Variants in USP12 observed in about 807,000 individuals in gnomAD.
The protein encoded by USP12 is ubiquitin specific peptidase 12, also known as ubiquitin carboxyl-terminal hydrolase 12.
USP12 carries 19 observed loss-of-function variants against 45.5 expected under a neutral mutation model. The observed-to-expected ratio is 0.42, with a 90% CI of 0.29 to 0.61. The LOEUF is 0.61. Among genes scored for constraint, USP12 ranks in the 20% least tolerant of loss-of-function variants. The probability of loss-of-function intolerance (pLI) is 0.22; values close to 1 mark genes in which losing one functional copy is unlikely to be tolerated. For synonymous variants in USP12, 149 were observed against 148.8 expected, an observed-to-expected ratio of 1.00 and a Z score of -0.01; for missense variants, 242 against 447.7, an observed-to-expected ratio of 0.54 and a Z score of 4.15.
At chr13:27,125,672 G>A (rs927300019) in intron 1 of USP12, among the ~76,000 whole-genome samples, 1 of 152,216 alleles carries the variant, frequency 6.6e-6, no homozygotes, top group Non-Finnish European at 1.5e-5. Context: ...CCCGGGAAGC[G>A]CAAGGGGTCA....
At chr13:27,095,574 CTA>C (rs778454738) in intron 4 of USP12, 25 bp downstream of exon 4, 2 of 1,480,592 alleles carry the variant, frequency 1.4e-6, no homozygotes, top group African/African-American at 1.4e-5. Context: ...CAATTTTTCT[CTA>C]TACAAAATTG....
rs534106221 is a variant in USP12 at position 27,129,600 on chromosome 13, G to C, written c.49-13004C>G. On this transcript the variant is annotated intron_variant, in intron 1 of 8. Transcript: ENST00000282344. The surrounding 1 kb of genome is among the most constrained non-coding windows in gnomAD (Gnocchi z 4.0). ...AGCACGCCTGTAGTCCCAGCTGTTC[G>C]GGAGGCTGAGGCAGGAGGATCATTA... is the stretch of plus-strand genomic sequence containing the variant. Among the ~76,000 whole-genome samples the C allele has an allele frequency of 6.6e-6, 1 of 152,110 alleles. No individual in the cohort carries two copies. Among genetic ancestry groups the C allele is most frequent in the South Asian group, 2.1e-4 (1 of 4,822 alleles).
chr13:27,145,982 T>C (rs1877291474), intron 1 of USP12, among the ~76,000 whole-genome samples: 1 of 152,216 alleles, frequency 6.6e-6, no homozygotes, highest in Non-Finnish European at 1.5e-5. Context: ...CTCACAACAA[T>C]ACCAGTTACA....
intron 1 of USP12, among the ~76,000 whole-genome samples, chr13:27,132,363 T>TA (rs762320299): frequency 6.6e-6 from 1 of 151,878 alleles, no homozygotes; most frequent in Non-Finnish European, 1.5e-5. Flanking sequence ...TTACACATGT[T>TA]AAAAAATGTA....
intron 2 of USP12, among the ~76,000 whole-genome samples, 174 bp downstream of exon 2, chr13:27,116,342 G>A (rs1001691509): frequency 6.7e-6 from 1 of 149,886 alleles, no homozygotes; most frequent in Non-Finnish European, 1.5e-5. Context: ...AAGATGTCAG[G>A]CAACTTTGTT....
intron 1 of USP12, among the ~76,000 whole-genome samples, chr13:27,128,811 A>T (rs1328450348): frequency 1.3e-5 from 2 of 152,244 alleles, no homozygotes; most frequent in Non-Finnish European, 2.9e-5. Flanking sequence ...TTTTCCACTT[A>T]TAAAAACATG....
intron 6 of USP12, among the ~76,000 whole-genome samples, chr13:27,085,224 G>A (rs1224927957): frequency 6.6e-6 from 1 of 151,204 alleles, no homozygotes; most frequent in African/African-American, 2.4e-5. Flanking sequence ...CCAGGCTGGA[G>A]TGCAGTGGCG....
In USP12 at chr13:27,068,596, T is replaced by G. The variant is rs1873099302; in HGVS notation, c.*687A>C. On this transcript the variant is annotated 3_prime_UTR_variant, in exon 9 of 9. Coordinates refer to ENST00000282344, the MANE Select transcript of USP12 (RefSeq NM_182488.4). ...TCATATAATACTTAGACTCTACCAG[T>G]TTTAAGTAAAATAAATAAGGAAAAA... 4 of 152,206 alleles carry G rather than the reference T, an allele frequency of 2.6e-5. No homozygotes were observed. The South Asian group carries it at 8.3e-4, about 32-fold the overall frequency. 9.4% of individuals were successfully genotyped at this position (152,206 alleles called of 1,614,324 possible). A position where few individuals can be genotyped will look rare whatever the true frequency, so the allele number is the denominator to read the frequency against.
intron 1 of USP12, among the ~76,000 whole-genome samples, chr13:27,153,845 C>T (rs1286882256): frequency 6.6e-5 from 10 of 152,136 alleles, no homozygotes; most frequent in Non-Finnish European, 1.2e-4. Flanking sequence ...TGTTGGTTTT[C>T]TTCAGACTTA....
chr13:27,069,170 C>T lies in USP12; in HGVS notation c.*113G>A, dbSNP rs1593167360. ...GCTTTATCGTGTGCAAAGTGTGCTACTGCCCCCTGAGCTTCCTGCATTTCT... is the reference window on the plus strand; with the variant it reads ...GCTTTATCGTGTGCAAAGTGTGCTATTGCCCCCTGAGCTTCCTGCATTTCT... On this transcript the variant is annotated 3_prime_UTR_variant, in exon 9 of 9. Coordinates refer to ENST00000282344, the MANE Select transcript of USP12 (RefSeq NM_182488.4). The T allele has an allele frequency of 1.4e-5, 12 of 829,872 alleles. No homozygotes were observed. Among genetic ancestry groups the T allele is most frequent in the East Asian group, 5.0e-5 (2 of 39,846 alleles). The allele number at this position is 829,872 out of a possible 1,614,324, so 51.4% of individuals were successfully genotyped here. A position where few individuals can be genotyped will look rare whatever the true frequency, so the allele number is the denominator to read the frequency against.
At chr13:27,120,078 A>G (rs1875913106) in intron 1 of USP12, among the ~76,000 whole-genome samples, 1 of 152,224 alleles carries the variant, frequency 6.6e-6, no homozygotes, top group Non-Finnish European at 1.5e-5. Flanking sequence ...GTTAGATATA[A>G]CTGGTGAAAA....
At chr13:27,081,774 T>C (rs189929540) in intron 6 of USP12, among the ~76,000 whole-genome samples, 2 of 152,334 alleles carry the variant, frequency 1.3e-5, no homozygotes, top group East Asian at 3.9e-4. Flanking sequence ...GGATCTTATG[T>C]TAGCAGGCAT....
chr13:27,108,282 G>A (rs1319898671), intron 2 of USP12, among the ~76,000 whole-genome samples: 1 of 151,126 alleles, frequency 6.6e-6, no homozygotes, highest in Non-Finnish European at 1.5e-5. Flanking sequence ...CTATCGCAAG[G>A]ACAAAAAACC....
chr13:27,161,465 T>G (rs377212418), intron 1 of USP12, among the ~76,000 whole-genome samples: 1 of 152,288 alleles, frequency 6.6e-6, no homozygotes. Flanking sequence ...AAGTCTCTTT[T>G]CAGGGATCCC....
chr13:27,101,828 G>A (rs555582944), intron 3 of USP12, among the ~76,000 whole-genome samples: 17 of 152,220 alleles, frequency 1.1e-4, no homozygotes, highest in African/African-American at 3.6e-4. Context: ...TATTATTTGT[G>A]AACAACTAAA....
intron 3 of USP12, among the ~76,000 whole-genome samples, chr13:27,096,275 T>C (rs557980154): frequency 5.3e-5 from 8 of 152,248 alleles, no homozygotes; most frequent in Non-Finnish European, 1.0e-4. Context: ...CCAGGGATTC[T>C]GATTTAGTTG....
At chr13:27,107,990 C>G (rs1288356003) in intron 2 of USP12, among the ~76,000 whole-genome samples, 5 of 151,972 alleles carry the variant, frequency 3.3e-5, no homozygotes, top group African/African-American at 1.2e-4. Flanking sequence ...CCTCAGGGAT[C>G]TAGAACTAGA....
intron 1 of USP12, among the ~76,000 whole-genome samples, chr13:27,131,966 C>G (rs1363583960): frequency 6.6e-6 from 1 of 151,614 alleles, no homozygotes; most frequent in African/African-American, 2.4e-5. Flanking sequence ...CAGGCCACCT[C>G]CTAATTTTTA....
At chr13:27,101,529 G>A (rs1035228742) in intron 3 of USP12, among the ~76,000 whole-genome samples, 2 of 152,134 alleles carry the variant, frequency 1.3e-5, no homozygotes, top group Non-Finnish European at 2.9e-5. Context: ...ACAATGGTGA[G>A]CAAAAACAAA....
Sources: allele counts gnomAD v4.1 joint callset (sites outside exome capture counted in the v4.1 genomes callset), GRCh38; gene constraint gnomAD v4.1.1; non-coding constraint Gnocchi (gnomAD v3.1); transcripts MANE v1.5; gene names NCBI Gene and HGNC (gene_info 2026-07-23, HGNC 2026-07-21).